Variants in PDE4D observed in about 807,000 individuals in gnomAD.
PDE4D encodes 3',5'-cyclic-AMP phosphodiesterase 4D.
In PDE4D, 24 loss-of-function variants were observed where a neutral mutation model predicts 87.4. The ratio of observed to expected loss-of-function variants is 0.27; its 90% CI spans 0.20 to 0.39. The LOEUF (loss-of-function observed/expected upper bound fraction) is 0.39. Ranked by LOEUF, PDE4D falls within the 10% of genes least tolerant of loss-of-function variation. PDE4D has a pLI of 1.00. For synonymous variants in PDE4D, 384 were observed against 383.2 expected (o/e 1.00, Z -0.02); for missense variants, 714 against 1,041.0 (o/e 0.69, Z 4.32).
At chr5:59,510,136 CTAAA>C (rs1386606743) in intron 1 of PDE4D, among the ~76,000 whole-genome samples, 4 of 150,204 alleles carry the variant, frequency 2.7e-5, no homozygotes, top group Non-Finnish European at 5.9e-5. Flanking sequence ...AAAAGTACTT[CTAAA>C]TAACACTTGA....
In PDE4D at chr5:59,215,954, T is replaced by C. The variant is rs1751167209; in HGVS notation, c.470A>G (p.Asn157Ser). ...GGGACTCCGTCCCGCAGATGTGCCA[T>C]TGTCCACATCAAAACTGTAAAGGAA... ...FQGLRRFDVD[N>S]GTSAGRSPLD... Residue 157 changes from asparagine (N) to serine (S), a missense_variant, in exon 2 of 15, where the codon AAT becomes AGT. Transcript: ENST00000340635. 1.9e-6 allele frequency: 3 copies of C among 1,610,792 alleles called. No individual in the cohort carries two copies. The highest frequency in any genetic ancestry group is 1.1e-5 in the South Asian group (1 of 90,898).
intron 1 of PDE4D, among the ~76,000 whole-genome samples, chr5:59,711,159 T>C (rs1039691997): frequency 2.6e-5 from 4 of 152,204 alleles, no homozygotes; most frequent in Non-Finnish European, 5.9e-5. Context: ...TTCTTATTCA[T>C]GTCTTTTCAA....
chr5:59,835,332 A>G (rs1233161309), intron 1 of PDE4D, among the ~76,000 whole-genome samples: 1 of 152,018 alleles, frequency 6.6e-6, no homozygotes, highest in Non-Finnish European at 1.5e-5. Flanking sequence ...AGAGGAGTGC[A>G]GCCTGGATTT....
chr5:59,171,136 C>A (rs1304911185), intron 5 of PDE4D, among the ~76,000 whole-genome samples: 3 of 152,282 alleles, frequency 2.0e-5, no homozygotes, highest in African/African-American at 7.2e-5. Flanking sequence ...CCCGCCTCAG[C>A]CTCCCAAACT....
intron 2 of PDE4D, among the ~76,000 whole-genome samples, chr5:60,176,262 G>T (rs561373460): frequency 6.6e-6 from 1 of 152,292 alleles, no homozygotes; most frequent in South Asian, 2.1e-4. Flanking sequence ...AAAAACAAAT[G>T]ATGCCATCCT....
chr5:60,130,320 G>T (rs1469843154), intron 2 of PDE4D, among the ~76,000 whole-genome samples: 1 of 152,090 alleles, frequency 6.6e-6, no homozygotes, highest in Non-Finnish European at 1.5e-5. Context: ...CCAAATATTG[G>T]CAAGCTTACA....
intron 1 of PDE4D, among the ~76,000 whole-genome samples, chr5:59,572,940 T>C (rs948953702): frequency 6.6e-6 from 1 of 152,218 alleles, no homozygotes; most frequent in Non-Finnish European, 1.5e-5. Context: ...GATTTATATA[T>C]GTATATCATT....
chr5:60,402,828 A>G (rs745761933), intron 1 of PDE4D, among the ~76,000 whole-genome samples: 3 of 152,168 alleles, frequency 2.0e-5, no homozygotes, highest in African/African-American at 2.4e-5. Flanking sequence ...CTGTTCCTTC[A>G]TGGTATGTCC....
At chr5:59,318,808 T>C (rs1312343886) in intron 1 of PDE4D, among the ~76,000 whole-genome samples, 1 of 152,148 alleles carries the variant, frequency 6.6e-6, no homozygotes, top group African/African-American at 2.4e-5. Flanking sequence ...ATAAACTACG[T>C]AAGCAGCCCC....
chr5:59,243,853 C>G (rs752714326), intron 1 of PDE4D, among the ~76,000 whole-genome samples: 8 of 151,786 alleles, frequency 5.3e-5, no homozygotes, highest in Non-Finnish European at 1.2e-4. Flanking sequence ...ACTCTTTGAC[C>G]CAGTAATAGC....
chr5:60,275,710 T>G (rs923569459), intron 1 of PDE4D, among the ~76,000 whole-genome samples: 11 of 152,152 alleles, frequency 7.2e-5, no homozygotes, highest in South Asian at 2.1e-4. Context: ...TCTAGGTTCT[T>G]GAGGTAAAAG....
intron 1 of PDE4D, among the ~76,000 whole-genome samples, chr5:59,857,879 GGGAA>G (rs556702419): frequency 1.2e-3 from 164 of 140,164 alleles, no homozygotes; most frequent in Middle Eastern, 7.7e-3. Context: ...GAAGGAAGGT[GGGAA>G]GGAAGGAAGG....
At chr5:59,727,416 A>G (rs1306648692) in intron 1 of PDE4D, among the ~76,000 whole-genome samples, 1 of 152,138 alleles carries the variant, frequency 6.6e-6, no homozygotes, top group African/African-American at 2.4e-5. Flanking sequence ...TTATCCACGC[A>G]TTAAAAGCAA....
chr5:59,166,738 G>A (rs561884746), intron 5 of PDE4D, among the ~76,000 whole-genome samples: 249 of 152,282 alleles, frequency 1.6e-3, no homozygotes, highest in African/African-American at 5.8e-3. Context: ...TCTGTCTGGT[G>A]AATAGGGTTG....
At chr5:60,220,034 C>A (rs1182520797) in intron 1 of PDE4D, among the ~76,000 whole-genome samples, 3 of 152,122 alleles carry the variant, frequency 2.0e-5, no homozygotes, top group Non-Finnish European at 4.4e-5. Flanking sequence ...TCAGAATTAT[C>A]TTGATTAGGA....
At chr5:60,487,075 A>T (rs1030195712) in intron 1 of PDE4D, among the ~76,000 whole-genome samples, 1 of 152,192 alleles carries the variant, frequency 6.6e-6, no homozygotes, top group African/African-American at 2.4e-5. Context: ...TATTAATTCT[A>T]CCCTGCAGTG....
intron 1 of PDE4D, among the ~76,000 whole-genome samples, chr5:59,272,744 G>C (rs1025255775): frequency 1.2e-4 from 18 of 151,988 alleles, no homozygotes; most frequent in African/African-American, 4.3e-4. Flanking sequence ...AATTATAACA[G>C]GCTGACCTTT....
intron 5 of PDE4D, among the ~76,000 whole-genome samples, chr5:59,097,319 G>GT: frequency 6.6e-6 from 1 of 152,116 alleles, no homozygotes; most frequent in East Asian, 1.9e-4. Flanking sequence ...CCACAGCAAC[G>GT]TTTGTCTTCC....
At chr5:59,755,626 T>G (rs897364734) in intron 1 of PDE4D, among the ~76,000 whole-genome samples, 1 of 152,112 alleles carries the variant, frequency 6.6e-6, no homozygotes, top group Non-Finnish European at 1.5e-5. Flanking sequence ...ATATTTTAGT[T>G]ATTAGTATCC....
Sources: gnomAD v4.1 joint callset for allele counts (sites outside exome capture counted in the v4.1 genomes callset) on GRCh38, gnomAD v4.1.1 for gene constraint, MANE v1.5 for transcripts, NCBI Gene and HGNC (gene_info 2026-07-23, HGNC 2026-07-21) for gene names.